EPS8: variants seen among roughly 807,000 people sequenced by gnomAD.
The protein encoded by EPS8 is EGFR pathway substrate 8, signaling adaptor, also known as epidermal growth factor receptor kinase substrate 8.
In EPS8, 42 loss-of-function variants were observed where a neutral mutation model predicts 103.8. The ratio of observed to expected loss-of-function variants is 0.40; its 90% confidence interval spans 0.32 to 0.52. EPS8 has a LOEUF of 0.52. Among genes scored for constraint, EPS8 ranks in the 20% least tolerant of loss-of-function variants. The pLI, the probability that EPS8 is intolerant of heterozygous loss-of-function variation, is 0.40. For synonymous variants in EPS8, 344 were observed against 344.6 expected (o/e 1.00, Z 0.02); for missense variants, 969 against 1,005.1 (o/e 0.96, Z 0.49).
At chr12:15,730,689 T>G (rs1436209524) in intron 1 of EPS8, among the ~76,000 whole-genome samples, 1 of 152,202 alleles carries the variant, frequency 6.6e-6, no homozygotes, top group Non-Finnish European at 1.5e-5. Flanking sequence ...TGTTTTCCTT[T>G]TAAGAGAATT....
chr12:15,782,176 A>T (rs1353672069), intron 1 of EPS8: 3 of 152,100 alleles, frequency 2.0e-5, no homozygotes, highest in African/African-American at 7.2e-5. Flanking sequence ...ATTTGGAAAA[A>T]TTTTTGGAGA....
At position 15,681,212 on chromosome 12, in the gene EPS8, A is replaced by G. The variant is rs771362137; in HGVS notation, c.136+14T>C. ...TAGAAACAAAATTATACCCTATCAAATAAACAAACCTACCATAAAGGGCCT... is the reference window on the plus strand; with the variant it reads ...TAGAAACAAAATTATACCCTATCAAGTAAACAAACCTACCATAAAGGGCCT... On this transcript the variant is annotated intron_variant, in intron 3 of 20. Coordinates refer to ENST00000281172, the MANE Select transcript of EPS8 (RefSeq NM_004447.6). The G allele has an allele frequency of 1.7e-5, 25 of 1,452,916 alleles. No individual in the cohort carries two copies. The highest frequency in any genetic ancestry group is 5.7e-5 in the African/African-American group (4 of 69,754). 90.0% of individuals were successfully genotyped at this position (1,452,916 alleles called of 1,614,324 possible).
chr12:15,784,747 C>T lies in EPS8; in HGVS notation c.-22+4414G>A, dbSNP rs1947293503. On this transcript the variant is annotated intron_variant, in intron 1 of 20. Transcript: ENST00000281172. This position sits in a 1 kb window ranked among gnomAD's most constrained non-coding sequence, Gnocchi z 4.0. ...AACTGGAAGCAACCAAAATATCCTTCAATAGGTGAATAAACAAACCATGAT... is the reference window on the plus strand; with the variant it reads ...AACTGGAAGCAACCAAAATATCCTTTAATAGGTGAATAAACAAACCATGAT... 1.3e-5 allele frequency among the ~76,000 whole-genome samples: 2 copies of T among 152,060 alleles called. No individual in the cohort carries two copies. The highest frequency in any genetic ancestry group is 4.8e-5 in the African/African-American group (2 of 41,418).
At chr12:15,653,195 T>C (rs1228847179) in intron 13 of EPS8, among the ~76,000 whole-genome samples, 1 of 152,222 alleles carries the variant, frequency 6.6e-6, no homozygotes, top group Non-Finnish European at 1.5e-5. Flanking sequence ...TCCTACGATA[T>C]TAGCATCTCA....
At chr12:15,703,940 C>T (rs1483562236) in intron 1 of EPS8, among the ~76,000 whole-genome samples, 1 of 140,276 alleles carries the variant, frequency 7.1e-6, no homozygotes, top group South Asian at 2.2e-4. Context: ...AAAGAGAAAC[C>T]GATATATTAA....
Position 15,696,123 on chromosome 12 carries a change from T to C in EPS8, c.-21-13151A>G, listed in dbSNP as rs145352635. ...ATTAGTCTACCTTTAAAACAAAGAATTTATGCATTTATTGAAAGTGTTTTT... is the reference window on the plus strand; with the variant it reads ...ATTAGTCTACCTTTAAAACAAAGAACTTATGCATTTATTGAAAGTGTTTTT... On this transcript the variant is annotated intron_variant, in intron 1 of 20. Transcript: ENST00000281172. This position sits in a 1 kb window ranked among gnomAD's most constrained non-coding sequence, Gnocchi z 4.8. Among the ~76,000 whole-genome samples the C allele has an allele frequency of 6.6e-6, 1 of 152,292 alleles. No individual in the cohort carries two copies. The highest frequency in any genetic ancestry group is 1.9e-4 in the East Asian group (1 of 5,188).
At chr12:15,687,855 T>C (rs1294653405) in intron 1 of EPS8, among the ~76,000 whole-genome samples, 1 of 152,244 alleles carries the variant, frequency 6.6e-6, no homozygotes, top group African/African-American at 2.4e-5. Flanking sequence ...TTTGATATTT[T>C]ACTGACTTGG....
intron 17 of EPS8, among the ~76,000 whole-genome samples, chr12:15,636,318 G>A (rs1281829067): frequency 6.6e-6 from 1 of 152,094 alleles, no homozygotes; most frequent in African/African-American, 2.4e-5. Context: ...CCTTTTCTCT[G>A]TGGTTTATTC....
rs982983045 is a variant in EPS8, at chr12:15,688,360, G to A, written c.-21-5388C>T. Among the ~76,000 whole-genome samples the A allele has an allele frequency of 6.6e-6, 1 of 152,176 alleles. No homozygotes were observed. Among genetic ancestry groups the A allele is most frequent in the African/African-American group, 2.4e-5 (1 of 41,450 alleles). ...TTTAAATAATACAGAAGTGGGGAAAGGAAGTGCTGGGTAGAGGAAGGCGGG... is the reference window on the plus strand; with the variant it reads ...TTTAAATAATACAGAAGTGGGGAAAAGAAGTGCTGGGTAGAGGAAGGCGGG... On this transcript the variant is annotated intron_variant, in intron 1 of 20. Transcript: ENST00000281172. This position sits in a 1 kb window ranked among gnomAD's most constrained non-coding sequence, Gnocchi z 5.1.
At chr12:15,657,153 C>T (rs1053655199) in intron 12 of EPS8, among the ~76,000 whole-genome samples, 1 of 152,180 alleles carries the variant, frequency 6.6e-6, no homozygotes, top group Non-Finnish European at 1.5e-5. Flanking sequence ...ATCTTTTCTT[C>T]ATTCTGTTGA....
chr12:15,675,895 A>G (rs903146304), intron 3 of EPS8, among the ~76,000 whole-genome samples: 3 of 152,226 alleles, frequency 2.0e-5, no homozygotes, highest in African/African-American at 7.2e-5. Flanking sequence ...ACTTAAATAA[A>G]TGAAGTCCTC....
chr12:15,640,833 C>T lies in EPS8; in HGVS notation c.1691G>A (p.Arg564Gln), dbSNP rs761744815. ...ATTTCGAACTTTCCACCATTGCTTC[C>T]GATCATCAAGTATCTGTCATGTACA... is the stretch of plus-strand genomic sequence containing the variant. Reference protein sequence around the residue: ...KDDILEILDDRKQWWKVRNAS... With the variant: ...KDDILEILDDQKQWWKVRNAS... The change falls in exon 17 of 21, where the codon CGG (arginine) becomes CAG (glutamine). Residue 564 changes from arginine (R) to glutamine (Q), a missense_variant. Arg to Gln is a conservative substitution (Grantham distance 43, BLOSUM62 1). Transcript: ENST00000281172. The T allele has an allele frequency of 2.4e-5, 38 of 1,613,430 alleles. No individual in the cohort carries two copies. The highest frequency in any genetic ancestry group is 5.0e-5 in the Admixed American group (3 of 59,986).
rs755319095 is a variant in EPS8, at chr12:15,681,262, C to T, written c.100G>A (p.Glu34Lys). ...TTTGCACTTGTTTTTGAACCATGTT[C>T]TCTGTCCGTCTGGGAAAAGGTAGGT... ...SSPTFSQTDREHGSKTSAKAL... is the reference protein window; with the variant it reads ...SSPTFSQTDRKHGSKTSAKAL... Residue 34 changes from glutamate to lysine, a missense_variant, in exon 3 of 21, where the codon GAA (glutamate) becomes AAA (lysine). Physicochemically the swap from Glu to Lys is moderately conservative, Grantham distance 56 (BLOSUM62 1). Coordinates refer to ENST00000281172, the MANE Select transcript of EPS8 (RefSeq NM_004447.6). 1 of 1,562,934 alleles carries T rather than the reference C, an allele frequency of 6.4e-7. No homozygotes were observed. Among genetic ancestry groups the T allele is most frequent in the Non-Finnish European group, 8.7e-7 (1 of 1,148,908 alleles).
rs56750043 is a variant in EPS8 at position 15,681,256 on chromosome 12, C to T, written c.106G>A (p.Gly36Ser). ...AGGGCCTTTGCACTTGTTTTTGAACCATGTTCTCTGTCCGTCTGGGAAAAG... is the reference window on the plus strand; with the variant it reads ...AGGGCCTTTGCACTTGTTTTTGAACTATGTTCTCTGTCCGTCTGGGAAAAG... ...PTFSQTDREH[G>S]SKTSAKALYE... The change falls in exon 3 of 21, where the codon GGT (glycine) becomes AGT (serine). Residue 36 changes from glycine (G) to serine (S), a missense_variant. Gly to Ser is a moderately conservative substitution (Grantham distance 56). Coordinates refer to ENST00000281172, the MANE Select transcript of EPS8 (RefSeq NM_004447.6). 1.3e-6 allele frequency: 2 copies of T among 1,567,178 alleles called. No homozygotes were observed. The highest frequency in any genetic ancestry group is 1.7e-6 in the Non-Finnish European group (2 of 1,151,946).
chr12:15,736,872 A>G lies in EPS8; in HGVS notation c.-22+52289T>C, dbSNP rs1254609319. ...GTACGCATGATGATGAATTTACATT[A>G]TGCTTATGAAGGATGGGATGTGCTC... On this transcript the variant is annotated intron_variant, in intron 1 of 20. Coordinates refer to ENST00000281172, the MANE Select transcript of EPS8 (RefSeq NM_004447.6). The surrounding 1 kb of genome is among the most constrained non-coding windows in gnomAD (Gnocchi z 4.2). 6.6e-6 allele frequency among the ~76,000 whole-genome samples: 1 copy of G among 152,204 alleles called. No homozygotes were observed. The highest frequency in any genetic ancestry group is 1.5e-5 in the Non-Finnish European group (1 of 68,032).
rs1001847796 is a variant in EPS8, at chr12:15,704,805, G to C, written c.-21-21833C>G. ...CTACTGAATGTCTGTGAGCCTATCA[G>C]GTAAAGCCACCTGGTCTGTAAGGCA... On this transcript the variant is annotated intron_variant, in intron 1 of 20. Coordinates refer to ENST00000281172, the MANE Select transcript of EPS8 (RefSeq NM_004447.6). This position sits in a 1 kb window ranked among gnomAD's most constrained non-coding sequence, Gnocchi z 4.6. Among the ~76,000 whole-genome samples, 3 of 152,146 alleles carry C rather than the reference G, an allele frequency of 2.0e-5. No individual in the cohort carries two copies. The East Asian group carries it at 5.8e-4, about 29-fold the overall frequency.
chr12:15,689,906 T>C (rs911213569), intron 1 of EPS8, among the ~76,000 whole-genome samples: 3 of 152,158 alleles, frequency 2.0e-5, no homozygotes, highest in Non-Finnish European at 1.5e-5. Flanking sequence ...AAGAGAAACA[T>C]TGGTAATATC....
chr12:15,693,946 C>T lies in EPS8; in HGVS notation c.-21-10974G>A, dbSNP rs752041265. On this transcript the variant is annotated intron_variant, in intron 1 of 20. Transcript: ENST00000281172. This position sits in a 1 kb window ranked among gnomAD's most constrained non-coding sequence, Gnocchi z 5.6. Reference sequence around the variant, plus strand: ...CATCAGGACAAATAGCTAATGCATGCGGGTCTTAACACCTAGGTGATGGGT... The same window carrying T: ...CATCAGGACAAATAGCTAATGCATGTGGGTCTTAACACCTAGGTGATGGGT... 2.6e-5 allele frequency among the ~76,000 whole-genome samples: 4 copies of T among 152,092 alleles called. No homozygotes were observed. Among genetic ancestry groups the T allele is most frequent in the Admixed American group, 6.6e-5 (1 of 15,262 alleles).
At chr12:15,622,655 C>T (rs182825467) in intron 20 of EPS8, among the ~76,000 whole-genome samples, 3 of 152,054 alleles carry the variant, frequency 2.0e-5, no homozygotes, top group African/African-American at 7.2e-5. Context: ...TGATTAAATA[C>T]TTTTCCAGGC....
Sources: gnomAD v4.1 joint callset for allele counts (sites outside exome capture counted in the v4.1 genomes callset) on GRCh38, gnomAD v4.1.1 for gene constraint, Gnocchi (gnomAD v3.1) non-coding constraint, MANE v1.5 for transcripts, NCBI Gene and HGNC (gene_info 2026-07-23, HGNC 2026-07-21) for gene names.